The following SLURP1 variants were observed in gnomAD, a reference collection of about 807,000 sequenced individuals.
SLURP1 encodes secreted Ly-6/uPAR-related protein 1.
Under a neutral mutation model 7.9 loss-of-function variants are expected in SLURP1, and 2 were observed. The observed-to-expected ratio is 0.25, with a 90% CI of 0.10 to 0.79. The LOEUF is 0.79. SLURP1 is among the 30% of genes least tolerant of loss of function. The pLI, the probability that SLURP1 is intolerant of heterozygous loss-of-function variation, is 0.69. For synonymous variants in SLURP1, 59 were observed against 54.9 expected, an observed-to-expected ratio of 1.07 and a Z score of -0.33; for missense variants, 111 against 139.8, an observed-to-expected ratio of 0.79 and a Z score of 1.04.
intron 1 of SLURP1, 144 bp from the exon 2 acceptor site, chr8:142,742,066 T>C (rs1265929942): frequency 1.5e-6 from 2 of 1,348,812 alleles, no homozygotes; most frequent in Non-Finnish European, 2.0e-6. Flanking sequence ...CAGCTTTCTC[T>C]AACTGAGCTG....
chr8:142,742,131 A>G (rs370512582), intron 1 of SLURP1, among the ~76,000 whole-genome samples, 197 bp downstream of exon 1: 9 of 152,208 alleles, frequency 5.9e-5, no homozygotes, highest in African/African-American at 1.9e-4. Flanking sequence ...CCCTTCCTGC[A>G]GAGTGGAGCC....
chr8:142,742,234 C>G, intron 1 of SLURP1, 94 bp downstream of exon 1: 1 of 1,383,430 alleles, frequency 7.2e-7, no homozygotes, highest in Non-Finnish European at 1.0e-6. Flanking sequence ...TAAGGAGGCT[C>G]TCAGCCACAA....
chr8:142,742,234 C>T, intron 1 of SLURP1, 94 bp downstream of exon 1: 1 of 1,383,430 alleles, frequency 7.2e-7, no homozygotes, highest in East Asian at 2.3e-5. Context: ...TAAGGAGGCT[C>T]TCAGCCACAA....
intron 1 of SLURP1, 152 bp downstream of exon 1, chr8:142,742,176 G>A (rs949594285): frequency 1.9e-5 from 19 of 1,017,972 alleles, no homozygotes; most frequent in Non-Finnish European, 2.7e-5. Flanking sequence ...TGGGCTCTGG[G>A]ACCCAGGAGG....
rs186846396 is a variant in SLURP1 at position 142,741,094 on chromosome 8, G to T, written c.*49C>A. On this transcript the variant is annotated 3_prime_UTR_variant, in exon 3 of 3. Transcript: ENST00000246515. The surrounding 1 kb of genome is among the most constrained non-coding windows in gnomAD (Gnocchi z 4.3). ...GTGATCACAGGTGGAGCCAGGCCCC[G>T]TCAGAGAGGAGGTGCCTGAGGAGCA... The T allele has an allele frequency of 6.3e-7, 1 of 1,598,670 alleles. No individual in the cohort carries two copies. Among genetic ancestry groups the T allele is most frequent in the Admixed American group, 1.7e-5 (1 of 59,998 alleles).
Position 142,741,778 on chromosome 8 carries a change from G to A in SLURP1, c.178+25C>T. On this transcript the variant is annotated intron_variant, in intron 2 of 2. Transcript: ENST00000246515. The surrounding 1 kb of genome is among the most constrained non-coding windows in gnomAD (Gnocchi z 4.3). ...GGTGGCCCTGACTCCAGTGCACCCA[G>A]GGCTGCCGTGGGGCCTGGCCTCACC... 3 of 1,607,976 alleles carry A rather than the reference G, an allele frequency of 1.9e-6. No individual in the cohort carries two copies. Among genetic ancestry groups the A allele is most frequent in the Middle Eastern group, 1.7e-4 (1 of 6,058 alleles).
chr8:142,742,203 AG>A, intron 1 of SLURP1, 124 bp downstream of exon 1: 1 of 1,105,618 alleles, frequency 9.0e-7, no homozygotes, highest in South Asian at 1.3e-5. Context: ...GAGAATGAGG[AG>A]GGTGAGCCTC....
In SLURP1 at chr8:142,742,392, G is replaced by A. The variant is rs201610070; in HGVS notation, c.-7C>T. 1,053 of 1,612,738 alleles carry A rather than the reference G, an allele frequency of 6.5e-4. 2 individuals carry two copies. Among genetic ancestry groups the A allele is most frequent in the Non-Finnish European group, 6.6e-4 (782 of 1,179,942 alleles). On this transcript the variant is annotated 5_prime_UTR_variant, in exon 1 of 3. The change creates a new upstream start codon in the 5' untranslated region. Transcript: ENST00000246515. ...CAGCCCAGCGAGAGGCCATTGCTCC[G>A]TGCTCAGAAGTGATGAGAGGTAGCC...
chr8:142,741,696 A>T lies in SLURP1; in HGVS notation c.178+107T>A, dbSNP rs1200717151. ...TGTGGCAGCCTGTTCTGCCCATCCC[A>T]CCTGCTGCCTTTTGGGCCGGGAGGA... On this transcript the variant is annotated intron_variant, in intron 2 of 2. Transcript: ENST00000246515. This position sits in a 1 kb window ranked among gnomAD's most constrained non-coding sequence, Gnocchi z 4.3. 2 of 1,564,682 alleles carry T rather than the reference A, an allele frequency of 1.3e-6. No individual in the cohort carries two copies. The highest frequency in any genetic ancestry group is 2.7e-5 in the African/African-American group (2 of 74,266).
At chr8:142,742,068 A>C in intron 1 of SLURP1, 146 bp from the exon 2 acceptor site, 4 of 1,342,644 alleles carry the variant, frequency 3.0e-6, no homozygotes, top group Non-Finnish European at 4.1e-6. Context: ...GCTTTCTCTA[A>C]CTGAGCTGAG....
chr8:142,742,320 C>T lies in SLURP1; in HGVS notation c.58+8G>A. 6.2e-7 allele frequency: 1 copy of T among 1,612,894 alleles called. No individual in the cohort carries two copies. Among genetic ancestry groups the T allele is most frequent in the Non-Finnish European group, 8.5e-7 (1 of 1,179,972 alleles). On this transcript the variant is annotated splice_region_variant and intron_variant, in intron 1 of 2. Transcript: ENST00000246515. ...GGCAGGGTCCCCACCAGCCTGCGGC[C>T]CACTCACCACAGCCCATGCTCCAGG...
Position 142,742,310 on chromosome 8 carries a change from A to G in SLURP1, c.58+18T>C. The stretch of plus-strand genomic sequence containing the variant: ...CAAGCTCAGAGGCAGGGTCCCCACC[A>G]GCCTGCGGCCCACTCACCACAGCCC... On this transcript the variant is annotated intron_variant, in intron 1 of 2. Coordinates refer to ENST00000246515, the MANE Select transcript of SLURP1 (RefSeq NM_020427.3). The G allele has an allele frequency of 6.2e-7, 1 of 1,612,372 alleles. No homozygotes were observed. The highest frequency in any genetic ancestry group is 1.1e-5 in the South Asian group (1 of 91,074).
chr8:142,741,299 A>T lies in SLURP1; in HGVS notation c.179-23T>A. ...ACTCTGCAGGGTGGGCCAGTGTCAG[A>T]ACCCTCACTCCCCTGCAGCGCCTGC... On this transcript the variant is annotated intron_variant, in intron 2 of 2. Coordinates refer to ENST00000246515, the MANE Select transcript of SLURP1 (RefSeq NM_020427.3). This position sits in a 1 kb window ranked among gnomAD's most constrained non-coding sequence, Gnocchi z 4.3. 1 of 1,569,248 alleles carries T rather than the reference A, an allele frequency of 6.4e-7. No individual in the cohort carries two copies. The highest frequency in any genetic ancestry group is 8.6e-7 in the Non-Finnish European group (1 of 1,162,376).
Position 142,741,308 on chromosome 8 carries a change from TC to T in SLURP1, c.179-33del, listed in dbSNP as rs1430892226. On this transcript the variant is annotated intron_variant, in intron 2 of 2. Coordinates refer to ENST00000246515, the MANE Select transcript of SLURP1 (RefSeq NM_020427.3). The surrounding 1 kb of genome is among the most constrained non-coding windows in gnomAD (Gnocchi z 4.3). ...GGTGGGCCAGTGTCAGAACCCTCAC[TC>T]CCCTGCAGCGCCTGCCTGCTGCTGC... The T allele has an allele frequency of 5.8e-6, 9 of 1,555,354 alleles. No individual in the cohort carries two copies. Among genetic ancestry groups the T allele is most frequent in the Non-Finnish European group, 7.8e-6 (9 of 1,155,532 alleles).
At chr8:142,742,025 C>G in intron 1 of SLURP1, 103 bp from the exon 2 acceptor site, 1 of 1,549,244 alleles carries the variant, frequency 6.5e-7, no homozygotes, top group South Asian at 1.2e-5. Flanking sequence ...TCTTTCAAGG[C>G]CCCGGGCAGC....
In SLURP1 at chr8:142,741,777, AG is replaced by A; in HGVS notation, c.178+25del. ...AGGTGGCCCTGACTCCAGTGCACCC[AG>A]GGCTGCCGTGGGGCCTGGCCTCACC... On this transcript the variant is annotated intron_variant, in intron 2 of 2. Transcript: ENST00000246515. The surrounding 1 kb of genome is among the most constrained non-coding windows in gnomAD (Gnocchi z 4.3). 1 of 1,607,848 alleles carries A rather than the reference AG, an allele frequency of 6.2e-7. No homozygotes were observed. The highest frequency in any genetic ancestry group is 1.3e-5 in the African/African-American group (1 of 75,050).
At chr8:142,742,304 C>T in intron 1 of SLURP1, 24 bp downstream of exon 1, 1 of 1,611,702 alleles carries the variant, frequency 6.2e-7, no homozygotes, top group Non-Finnish European at 8.5e-7. Context: ...AGGCAGGGTC[C>T]CCACCAGCCT....
chr8:142,741,256 G>A lies in SLURP1; in HGVS notation c.199C>T (p.Pro67Ser). ...CTGGAGCAGGAGCGGGTCACCACGGGGCTCTGGTTGAAGGGGTACTCTGCA... is the reference window on the plus strand; with the variant it reads ...CTGGAGCAGGAGCGGGTCACCACGGAGCTCTGGTTGAAGGGGTACTCTGCA... ...VEAEYPFNQSPVVTRSCSSSC... is the reference protein window; with the variant it reads ...VEAEYPFNQSSVVTRSCSSSC... The change falls in exon 3 of 3, where the codon CCC (proline) becomes TCC (serine). Residue 67 changes from proline to serine, a missense_variant. By Grantham distance (74) the Pro-to-Ser change is moderately conservative (BLOSUM62 -1). Transcript: ENST00000246515. This position sits in a 1 kb window ranked among gnomAD's most constrained non-coding sequence, Gnocchi z 4.3. 2.5e-6 allele frequency: 4 copies of A among 1,604,616 alleles called. No individual in the cohort carries two copies. The highest frequency in any genetic ancestry group is 3.4e-6 in the Non-Finnish European group (4 of 1,177,706).
chr8:142,741,203 G>T lies in SLURP1; in HGVS notation c.252C>A (p.Ser84Arg). ...SSSCVATDPD[S>R]IGAAHLIFCC... Reference sequence around the variant, plus strand: ...AGAAGATCAGGTGGGCGGCCCCGATGCTGTCGGGGTCGGTGGCCACACAGG... The same window carrying T: ...AGAAGATCAGGTGGGCGGCCCCGATTCTGTCGGGGTCGGTGGCCACACAGG... The change falls in exon 3 of 3, where the codon AGC becomes AGA. Residue 84 changes from serine (S) to arginine (R), a missense_variant. Physicochemically the swap from Ser to Arg is moderately radical, Grantham distance 110. Transcript: ENST00000246515. This position sits in a 1 kb window ranked among gnomAD's most constrained non-coding sequence, Gnocchi z 4.3. 6.2e-7 allele frequency: 1 copy of T among 1,610,224 alleles called. No homozygotes were observed.
Sources: gnomAD v4.1 joint callset for allele counts (sites outside exome capture counted in the v4.1 genomes callset) on GRCh38, gnomAD v4.1.1 for gene constraint, Gnocchi (gnomAD v3.1) non-coding constraint, MANE v1.5 for transcripts, NCBI Gene and HGNC (gene_info 2026-07-23, HGNC 2026-07-21) for gene names.